The following GHDC variants were observed in gnomAD, a reference collection of about 807,000 sequenced individuals.
GHDC encodes GH3 domain-containing protein.
In GHDC, 39 loss-of-function variants were observed where a neutral mutation model predicts 51.5. The ratio of observed to expected loss-of-function variants is 0.76; its 90% confidence interval spans 0.59 to 0.99. The LOEUF is 0.99. Ranked by LOEUF, GHDC falls within the 50% of genes least tolerant of loss-of-function variation. GHDC has a pLI of 0.00. For missense variants in GHDC, 610 were observed against 672.8 expected (o/e 0.91, Z 1.03); for synonymous variants, 282 against 305.2 (o/e 0.92, Z 0.79).
Position 42,192,892 on chromosome 17 carries a change from C to T in GHDC, c.387+14G>A. 4 of 1,613,294 alleles carry T rather than the reference C, an allele frequency of 2.5e-6. No homozygotes were observed. Among genetic ancestry groups the T allele is most frequent in the Non-Finnish European group, 3.4e-6 (4 of 1,179,766 alleles). On this transcript the variant is annotated intron_variant, in intron 4 of 9. Coordinates refer to ENST00000587427, the MANE Select transcript of GHDC (RefSeq NM_032484.5). ...GGCTGTGGCCAGGACTGGGCTCTGG[C>T]CATCCTAGATTACCTGCAGAGAGGC... is the stretch of plus-strand genomic sequence containing the variant.
At position 42,190,271 on chromosome 17, in the gene GHDC, CTG is replaced by C; in HGVS notation, c.1289-3_1289-2del. 1 of 1,614,216 alleles carries C rather than the reference CTG, an allele frequency of 6.2e-7. No homozygotes were observed. Among genetic ancestry groups the C allele is most frequent in the Non-Finnish European group, 8.5e-7 (1 of 1,180,032 alleles). ...TGGGGAGCAGAGCCCGCAGAGGAAT[CTG>C]TGAATAGACCCCATGTGCACACATA... On this transcript the variant is annotated splice_acceptor_variant and splice_polypyrimidine_tract_variant and intron_variant, in intron 8 of 9. Transcript: ENST00000587427. LOFTEE classifies it high-confidence loss of function.
rs749713059 is a variant in GHDC, at chr17:42,189,797, G to T, written c.1499C>A (p.Ala500Asp). The change falls in exon 10 of 10, where the codon GCT becomes GAT. Residue 500 changes from alanine to aspartate, a missense_variant. By Grantham distance (126) the Ala-to-Asp change is moderately radical. Coordinates refer to ENST00000587427, the MANE Select transcript of GHDC (RefSeq NM_032484.5). Reference sequence around the variant, plus strand: ...GGGGAAGGGGGAGGAGGGGCAGGCAGCGAGGGCTGCCCGGAGTGCTCGGAA... The same window carrying T: ...GGGGAAGGGGGAGGAGGGGCAGGCATCGAGGGCTGCCCGGAGTGCTCGGAA... ...GAFRALRAAL[A>D]ACPSSPFPPA... 1.4e-5 allele frequency: 22 copies of T among 1,549,848 alleles called. No homozygotes were observed. The highest frequency in any genetic ancestry group is 2.7e-5 in the African/African-American group (2 of 73,668).
intron 5 of GHDC, 134 bp from the exon 6 acceptor site, chr17:42,191,344 G>T: frequency 2.3e-6 from 2 of 880,176 alleles, no homozygotes; most frequent in South Asian, 6.1e-5. Context: ...CATCCTTCCT[G>T]GCTCCCCCAG....
chr17:42,191,842 A>G (rs2144166858), intron 5 of GHDC, among the ~76,000 whole-genome samples: 2 of 148,126 alleles, frequency 1.4e-5, no homozygotes, highest in South Asian at 4.2e-4. Context: ...AGCTCACTAT[A>G]ATTTCTGCCT....
chr17:42,190,083 T>C (rs1458723300), intron 9 of GHDC, 102 bp downstream of exon 9: 9 of 1,461,098 alleles, frequency 6.2e-6, no homozygotes, highest in Non-Finnish European at 8.4e-6. Context: ...GAGCTTCTCC[T>C]CCGCCACCCC....
rs756837467 is a variant in GHDC at position 42,190,242 on chromosome 17, G to A, written c.1317C>T (p.Tyr439=). ...LDSSAGSAPH[Y]EVFVALRGLR... ...GCCCCCTCAGCGCCACAAACACCTC[G>A]TAGTGGGGAGCAGAGCCCGCAGAGG... The change falls in exon 9 of 10, where the codon TAC becomes TAT. Residue 439 remains tyrosine, a synonymous_variant. Transcript: ENST00000587427. 13 of 1,614,046 alleles carry A rather than the reference G, an allele frequency of 8.1e-6. No homozygotes were observed. Among genetic ancestry groups the A allele is most frequent in the East Asian group, 2.2e-5 (1 of 44,904 alleles).
In GHDC at chr17:42,190,892, C is replaced by T. The variant is rs1179794494; in HGVS notation, c.1094G>A (p.Gly365Asp). ...DRASLTRCRL[G>D]DVVRVVGAYN... ...GGCACCAACCACTCGCACCACATCA[C>T]CCAGGCGGCACCTGATGGGGTGCAA... The change falls in exon 7 of 10, where the codon GGT becomes GAT. Residue 365 changes from glycine (G) to aspartate (D), a missense_variant. Physicochemically the swap from Gly to Asp is moderately conservative, Grantham distance 94. Transcript: ENST00000587427. 5 of 1,608,586 alleles carry T rather than the reference C, an allele frequency of 3.1e-6. No homozygotes were observed. Among genetic ancestry groups the T allele is most frequent in the South Asian group, 1.1e-5 (1 of 90,662 alleles).
At chr17:42,193,227 G>C in intron 3 of GHDC, 90 bp downstream of exon 3, 1 of 1,515,286 alleles carries the variant, frequency 6.6e-7, no homozygotes, top group Non-Finnish European at 8.9e-7. Context: ...GGCAGTGGAG[G>C]AGGTAAGGGG....
chr17:42,190,060 C>T (rs2079955981), intron 9 of GHDC, 125 bp downstream of exon 9: 22 of 1,390,210 alleles, frequency 1.6e-5, no homozygotes, highest in Non-Finnish European at 2.2e-5. Flanking sequence ...CCCTCCCCTC[C>T]CAGAGCCCCA....
At position 42,190,256 on chromosome 17, in the gene GHDC, A is replaced by G; in HGVS notation, c.1303T>C (p.Ser435Pro). 6.2e-7 allele frequency: 1 copy of G among 1,614,188 alleles called. No individual in the cohort carries two copies. The highest frequency in any genetic ancestry group is 8.5e-7 in the Non-Finnish European group (1 of 1,180,034). ...ESSILDSSAGSAPHYEVFVAL... is the reference protein window; with the variant it reads ...ESSILDSSAGPAPHYEVFVAL... ...ACAAACACCTCGTAGTGGGGAGCAG[A>G]GCCCGCAGAGGAATCTGTGAATAGA... is the stretch of plus-strand genomic sequence containing the variant. The change falls in exon 9 of 10, where the codon TCT becomes CCT. Residue 435 changes from serine (S) to proline (P), a missense_variant. This residue lies in a region of GHDC where 412 missense variants were observed against 410.4 expected (regional missense o/e 1.00). Coordinates refer to ENST00000587427, the MANE Select transcript of GHDC (RefSeq NM_032484.5).
Position 42,190,221 on chromosome 17 carries a change from C to A in GHDC, c.1338G>T (p.Arg446Ser). ...TTTCCTCTGACAGATTCCTCAGCCC[C>A]CTCAGCGCCACAAACACCTCGTAGT... ...APHYEVFVAL[R>S]GLRNLSEENR... Residue 446 changes from arginine (R) to serine (S), a missense_variant, in exon 9 of 10, where the codon AGG (arginine) becomes AGT (serine). Around this residue, in one of 2 missense-constraint regions of GHDC, gnomAD observed 412 missense variants for 410.4 expected, o/e 1.00. Coordinates refer to ENST00000587427, the MANE Select transcript of GHDC (RefSeq NM_032484.5). 1 of 1,614,176 alleles carries A rather than the reference C, an allele frequency of 6.2e-7. No homozygotes were observed. The highest frequency in any genetic ancestry group is 8.5e-7 in the Non-Finnish European group (1 of 1,180,026).
chr17:42,192,961 C>T lies in GHDC; in HGVS notation c.332G>A (p.Gly111Glu). 6.2e-7 allele frequency: 1 copy of T among 1,614,074 alleles called. No homozygotes were observed. Among genetic ancestry groups the T allele is most frequent in the Non-Finnish European group, 8.5e-7 (1 of 1,180,010 alleles). Reference sequence around the variant, plus strand: ...TGAGGTCGGGGGCAGTGGCTGCTCTCCACTGTCTTCCTGCTGGGTCTGGCT... The same window carrying T: ...TGAGGTCGGGGGCAGTGGCTGCTCTTCACTGTCTTCCTGCTGGGTCTGGCT... Reference protein sequence around the residue: ...KASQTQQEDSGEQPLPPTSNQ... With the variant: ...KASQTQQEDSEEQPLPPTSNQ... Residue 111 changes from glycine (G) to glutamate (E), a missense_variant, in exon 4 of 10, where the codon GGA becomes GAA. Gly to Glu is a moderately conservative substitution (Grantham distance 98, BLOSUM62 -2). Transcript: ENST00000587427.
At chr17:42,190,151 G>A (rs1014049986) in intron 9 of GHDC, 34 bp downstream of exon 9, 1 of 1,597,750 alleles carries the variant, frequency 6.3e-7, no homozygotes, top group Non-Finnish European at 8.5e-7. Context: ...GAGTGAAGGG[G>A]TCTACAGTCA....
At chr17:42,193,118 A>C in intron 3 of GHDC, 91 bp from the exon 4 acceptor site, 1 of 1,589,038 alleles carries the variant, frequency 6.3e-7, no homozygotes, top group South Asian at 1.1e-5. Context: ...GGAGGAACCG[A>C]GAATAGGCCT....
Position 42,191,128 on chromosome 17 carries a change from G to A in GHDC, c.972C>T (p.Leu324=). 1 of 1,558,542 alleles carries A rather than the reference G, an allele frequency of 6.4e-7. No individual in the cohort carries two copies. Among genetic ancestry groups the A allele is most frequent in the African/African-American group, 1.4e-5 (1 of 72,330 alleles). The change falls in exon 6 of 10, where the codon CTC becomes CTT. Residue 324 remains leucine (L), a synonymous_variant. Coordinates refer to ENST00000587427, the MANE Select transcript of GHDC (RefSeq NM_032484.5). Reference sequence around the variant, plus strand: ...CCTCCTGGGTGCCTTCCTTGACTGGGAGCAGCTCGATAAAGGGGGCCCCAG... The same window carrying A: ...CCTCCTGGGTGCCTTCCTTGACTGGAAGCAGCTCGATAAAGGGGGCCCCAG... ...LPPGAPFIEL[L]PVKEGTQEEA...
Position 42,191,099 on chromosome 17 carries a change from G to C in GHDC, c.1001C>G (p.Ala334Gly). 2.5e-6 allele frequency: 4 copies of C among 1,573,550 alleles called. No homozygotes were observed. The highest frequency in any genetic ancestry group is 3.4e-6 in the Non-Finnish European group (4 of 1,163,124). The change falls in exon 6 of 10, where the codon GCT (alanine) becomes GGT (glycine). Residue 334 changes from alanine to glycine, a missense_variant. Ala to Gly is a moderately conservative substitution (Grantham distance 60, BLOSUM62 0). Transcript: ENST00000587427. ...LPVKEGTQEE[A>G]ASTLLLAEAQ... is the part of the protein sequence containing the mutation. ...CTCGGCCAAAAGGAGGGTGGAGGCA[G>C]CTTCCTCCTGGGTGCCTTCCTTGAC...
At chr17:42,190,447 A>G in intron 8 of GHDC, 177 bp from the exon 9 acceptor site, 1 of 1,456,098 alleles carries the variant, frequency 6.9e-7, no homozygotes, top group Non-Finnish European at 9.2e-7. Context: ...TAGGAGACAG[A>G]TCAGGAAAGA....
Position 42,190,614 on chromosome 17 carries a change from G to T in GHDC, c.1288+10C>A. 1 of 1,607,764 alleles carries T rather than the reference G, an allele frequency of 6.2e-7. No homozygotes were observed. Reference sequence around the variant, plus strand: ...AAGGATGGTAGGCAGGAGCCGGTGGGGAGGCTCACCCAGAATGCTGCTCTC... The same window carrying T: ...AAGGATGGTAGGCAGGAGCCGGTGGTGAGGCTCACCCAGAATGCTGCTCTC... On this transcript the variant is annotated intron_variant, in intron 8 of 9. Transcript: ENST00000587427.
At chr17:42,190,992 G>A in intron 6 of GHDC, 26 bp downstream of exon 6, 1 of 1,564,456 alleles carries the variant, frequency 6.4e-7, no homozygotes, top group Non-Finnish European at 8.6e-7. Flanking sequence ...AGGGCCCCAG[G>A]TAGCAGGGGC....
Sources: allele counts gnomAD v4.1 joint callset (sites outside exome capture counted in the v4.1 genomes callset), GRCh38; gene constraint gnomAD v4.1.1; regional missense constraint gnomAD v4.1.1; transcripts MANE v1.5; gene names NCBI Gene and HGNC (gene_info 2026-07-23, HGNC 2026-07-21).